Variants in BIRC6 observed in about 807,000 individuals in gnomAD.
BIRC6 encodes the protein dual E2 ubiquitin-conjugating enzyme/E3 ubiquitin-protein ligase BIRC6.
In BIRC6, 98 loss-of-function variants were observed where a neutral mutation model predicts 503.3. The observed-to-expected ratio is 0.19, with a 90% CI of 0.17 to 0.23. BIRC6 has a LOEUF of 0.23. Ranked by LOEUF, BIRC6 falls within the 10% of genes least tolerant of loss-of-function variation. The pLI is 1.00. For synonymous variants in BIRC6, 2,240 were observed against 2,078.7 expected (o/e 1.08, Z -2.11); for missense variants, 5,360 against 5,806.0 (o/e 0.92, Z 2.50).
At chr2:32,559,697 G>T (rs2059021570) in intron 65 of BIRC6, among the ~76,000 whole-genome samples, 1 of 149,708 alleles carries the variant, frequency 6.7e-6, no homozygotes, top group Non-Finnish European at 1.5e-5. Context: ...TCTCCTCTTG[G>T]TTGGGGGGGT....
chr2:32,407,360 G>C (rs1162658363), intron 9 of BIRC6, among the ~76,000 whole-genome samples: 1 of 149,424 alleles, frequency 6.7e-6, no homozygotes, highest in Admixed American at 6.8e-5. Flanking sequence ...CAGGAGAATC[G>C]TTTGAACCCG....
At position 32,503,253 on chromosome 2, in the gene BIRC6, T is replaced by C; in HGVS notation, c.9499+17T>C. The stretch of plus-strand genomic sequence containing the variant: ...CACCCCTCGGTAAGAAAAGTGTTAC[T>C]AAATCTTACTTATGTGAAATTATCT... On this transcript the variant is annotated intron_variant, in intron 49 of 73. Transcript: ENST00000421745. 1.3e-6 allele frequency: 2 copies of C among 1,572,808 alleles called. No individual in the cohort carries two copies. The highest frequency in any genetic ancestry group is 4.5e-5 in the East Asian group (2 of 44,472).
intron 26 of BIRC6, among the ~76,000 whole-genome samples, chr2:32,466,422 C>A (rs563470622): frequency 6.6e-5 from 10 of 152,156 alleles, no homozygotes; most frequent in African/African-American, 2.4e-4. Context: ...TGGGAAAAAG[C>A]ATTGTTTGAG....
intron 21 of BIRC6, among the ~76,000 whole-genome samples, chr2:32,446,957 A>C (rs1240999771): frequency 9.4e-6 from 1 of 106,496 alleles, no homozygotes; most frequent in African/African-American, 3.7e-5. Context: ...GATGACTCTT[A>C]ACGAGCATGC....
At chr2:32,397,213 A>G (rs935175900) in intron 6 of BIRC6, among the ~76,000 whole-genome samples, 3 of 151,822 alleles carry the variant, frequency 2.0e-5, no homozygotes, top group Non-Finnish European at 2.9e-5. Context: ...GCTCACGCCT[A>G]TAATCCCAGC....
chr2:32,556,947 A>AAAG (rs1553504324), intron 65 of BIRC6, among the ~76,000 whole-genome samples: 2 of 151,776 alleles, frequency 1.3e-5, no homozygotes, highest in Non-Finnish European at 2.9e-5. Flanking sequence ...TCAAAAAACA[A>AAAG]AAAGAAAGAA....
At chr2:32,434,895 G>C (rs1467450475) in intron 13 of BIRC6, among the ~76,000 whole-genome samples, 1 of 152,122 alleles carries the variant, frequency 6.6e-6, no homozygotes, top group Non-Finnish European at 1.5e-5. Context: ...CATTCACATT[G>C]TATTAGGTTT....
At chr2:32,525,148 A>G in intron 58 of BIRC6, 129 bp downstream of exon 58, 1 of 849,450 alleles carries the variant, frequency 1.2e-6, no homozygotes, top group Non-Finnish European at 1.7e-6. Context: ...ATGTTTTAAT[A>G]CTAGATTTTT....
In BIRC6 at chr2:32,503,143, G is replaced by T. The variant is rs1436239393; in HGVS notation, c.9406G>T (p.Gly3136Cys). ...AACTATTATGAAATTTCTTGACTCT[G>T]GTCCAAATAAAGCTGTTGACAGCAC... ...VSTIMKFLDS[G>C]PNKAVDSTLK... Residue 3136 changes from glycine (G) to cysteine (C), a missense_variant, in exon 49 of 74, where the codon GGT (glycine) becomes TGT (cysteine). Physicochemically the swap from Gly to Cys is radical, Grantham distance 159. Coordinates refer to ENST00000421745, the MANE Select transcript of BIRC6 (RefSeq NM_016252.4). 1 of 1,612,352 alleles carries T rather than the reference G, an allele frequency of 6.2e-7. No homozygotes were observed. Among genetic ancestry groups the T allele is most frequent in the South Asian group, 1.1e-5 (1 of 90,692 alleles).
At position 32,411,434 on chromosome 2, in the gene BIRC6, T is replaced by TA. The variant is rs201437473; in HGVS notation, c.1478-3335_1478-3334insA. ...ATATATATATTTTATTTTTTTATTT[T>TA]TTTTTTTTAAATTTTCTATTTTTTG... On this transcript the variant is annotated intron_variant, in intron 9 of 73. Coordinates refer to ENST00000421745, the MANE Select transcript of BIRC6 (RefSeq NM_016252.4). 1.8e-3 allele frequency among the ~76,000 whole-genome samples: 264 copies of TA among 149,138 alleles called. 1 individual carries two copies. Among genetic ancestry groups the TA allele is most frequent in the African/African-American group, 6.0e-3 (247 of 40,884 alleles).
At position 32,415,540 on chromosome 2, in the gene BIRC6, G is replaced by A. The variant is rs373105075; in HGVS notation, c.2249G>A (p.Arg750Gln). 18 of 1,613,860 alleles carry A rather than the reference G, an allele frequency of 1.1e-5. No homozygotes were observed. The highest frequency in any genetic ancestry group is 9.9e-5 in the South Asian group (9 of 91,086). Residue 750 changes from arginine (R) to glutamine (Q), a missense_variant, in exon 10 of 74, where the codon CGG becomes CAG. Transcript: ENST00000421745. Reference sequence around the variant, plus strand: ...GGAATTCATTTGTTGGTAGGACTGCGGACATGCCCTGTTGAATCCTTGAGT... The same window carrying A: ...GGAATTCATTTGTTGGTAGGACTGCAGACATGCCCTGTTGAATCCTTGAGT... Reference protein sequence around the residue: ...ADGIHLLVGLRTCPVESLSAI... With the variant: ...ADGIHLLVGLQTCPVESLSAI...
At chr2:32,452,755 TA>T (rs1198174884) in intron 22 of BIRC6, among the ~76,000 whole-genome samples, 1 of 151,942 alleles carries the variant, frequency 6.6e-6, no homozygotes, top group East Asian at 1.9e-4. Flanking sequence ...CCTTGCAGCT[TA>T]AAAAAAAGTT....
chr2:32,438,754 G>T (rs916864518), intron 15 of BIRC6, among the ~76,000 whole-genome samples: 1 of 151,934 alleles, frequency 6.6e-6, no homozygotes, highest in East Asian at 1.9e-4. Context: ...AGTAGACGGG[G>T]TTTCACTGTG....
chr2:32,363,045 T>G (rs957193195), intron 1 of BIRC6, among the ~76,000 whole-genome samples: 6 of 152,162 alleles, frequency 3.9e-5, no homozygotes, highest in African/African-American at 1.4e-4. Context: ...AATACCTTGC[T>G]TTTGGCCTGG....
At chr2:32,530,203 A>G (rs1468030698) in intron 60 of BIRC6, among the ~76,000 whole-genome samples, 4 of 151,938 alleles carry the variant, frequency 2.6e-5, no homozygotes, top group African/African-American at 9.7e-5. Flanking sequence ...TTTGTTTTTT[A>G]CTTATATATT....
At chr2:32,439,465 T>C (rs1574217145) in intron 15 of BIRC6, 43 bp from the exon 16 acceptor site, 1 of 1,547,514 alleles carries the variant, frequency 6.5e-7, no homozygotes, top group Non-Finnish European at 8.8e-7. Flanking sequence ...GTGGAATTTA[T>C]TGGTGATTCA....
At chr2:32,530,619 T>G (rs1336451009) in intron 60 of BIRC6, among the ~76,000 whole-genome samples, 1 of 60 alleles carries the variant, frequency 0.017, no homozygotes, top group African/African-American at 0.071. Context: ...TGTGGTTGTT[T>G]CCAATTTTTA....
intron 72 of BIRC6, among the ~76,000 whole-genome samples, chr2:32,607,996 AAAAAG>A (rs2062585451): frequency 6.7e-6 from 1 of 150,084 alleles, no homozygotes; most frequent in Non-Finnish European, 1.5e-5. Flanking sequence ...AAAAAAAAAA[AAAAAG>A]ACATTTTAAA....
At chr2:32,573,490 C>T (rs1228970583) in intron 65 of BIRC6, among the ~76,000 whole-genome samples, 1 of 152,156 alleles carries the variant, frequency 6.6e-6, no homozygotes. Context: ...GTCACCGCGC[C>T]CTGCCAGTAA....
Sources: gnomAD v4.1 joint callset for allele counts (sites outside exome capture counted in the v4.1 genomes callset) on GRCh38, gnomAD v4.1.1 for gene constraint, MANE v1.5 for transcripts, NCBI Gene and HGNC (gene_info 2026-07-23, HGNC 2026-07-21) for gene names.